The following SDK1 variants were observed in gnomAD, a reference collection of about 807,000 sequenced individuals.
SDK1 encodes the protein sidekick cell adhesion molecule 1, also known as protein sidekick-1.
A neutral mutation model predicts 245.5 loss-of-function variants in SDK1; 157 were observed. The observed-to-expected ratio is 0.64, with a 90% confidence interval of 0.56 to 0.73. The LOEUF (loss-of-function observed/expected upper bound fraction) is 0.73, where lower values mean the gene tolerates loss of function less well. SDK1 is among the 30% of genes least tolerant of loss of function. SDK1 has a pLI of 0.00. For missense variants in SDK1, 3,583 were observed against 3,002.3 expected, an observed-to-expected ratio of 1.19 and a Z score of -4.52; for synonymous variants, 1,647 against 1,278.5, an observed-to-expected ratio of 1.29 and a Z score of -6.15.
At chr7:3,950,896 T>G in intron 5 of SDK1, 27 bp from the exon 6 acceptor site, 1 of 1,581,378 alleles carries the variant, frequency 6.3e-7, no homozygotes, top group Non-Finnish European at 8.7e-7. Flanking sequence ...TAGAGTTTCA[T>G]GGACATTTCT....
intron 4 of SDK1, among the ~76,000 whole-genome samples, chr7:3,819,739 A>G (rs1191219619): frequency 6.6e-6 from 1 of 152,170 alleles, no homozygotes; most frequent in East Asian, 1.9e-4. Context: ...AGTAAGTCAT[A>G]GAGACCTCAA....
chr7:3,908,214 C>T (rs1367235572), intron 5 of SDK1, among the ~76,000 whole-genome samples: 1 of 152,164 alleles, frequency 6.6e-6, no homozygotes, highest in Admixed American at 6.5e-5. Flanking sequence ...CGGATGAGCG[C>T]CTTGTGTCCC....
intron 5 of SDK1, among the ~76,000 whole-genome samples, chr7:3,872,087 G>C (rs1355304226): frequency 6.6e-6 from 1 of 152,046 alleles, no homozygotes; most frequent in Non-Finnish European, 1.5e-5. Flanking sequence ...CTGTTAATTT[G>C]GTGAATTGCA....
intron 32 of SDK1, among the ~76,000 whole-genome samples, chr7:4,166,774 G>T (rs749157239): frequency 3.9e-5 from 6 of 152,208 alleles, no homozygotes; most frequent in African/African-American, 1.4e-4. Context: ...ACAGTGGCAC[G>T]TGGTTGAGCC....
intron 5 of SDK1, among the ~76,000 whole-genome samples, chr7:3,836,905 C>T (rs911723532): frequency 6.6e-6 from 1 of 152,144 alleles, no homozygotes; most frequent in African/African-American, 2.4e-5. Context: ...GTTGGGGCCT[C>T]CCTTCCTGGC....
At chr7:4,050,614 T>C (rs990268145) in intron 18 of SDK1, among the ~76,000 whole-genome samples, 4 of 152,196 alleles carry the variant, frequency 2.6e-5, no homozygotes, top group Admixed American at 2.0e-4. Flanking sequence ...GAACACGCTT[T>C]CCTTAGGTTG....
chr7:3,600,855 G>A (rs952527313), intron 1 of SDK1, among the ~76,000 whole-genome samples: 2 of 152,072 alleles, frequency 1.3e-5, no homozygotes, highest in African/African-American at 4.8e-5. Context: ...GCCAATGTAG[G>A]TTTTTAAAAA....
Position 4,059,965 on chromosome 7 carries a change from C to T in SDK1, c.2912-7873C>T, listed in dbSNP as rs1472828428. Among the ~76,000 whole-genome samples, 15 of 151,606 alleles carry T rather than the reference C, an allele frequency of 9.9e-5. No individual in the cohort carries two copies. In the East Asian group the frequency reaches 1.4e-3, roughly 14 times the overall value. ...CGCAGTCTCGGCTCACTGCAAGCTC[C>T]GCCTCCCAGGTTCACGCCATTGTCC... On this transcript the variant is annotated intron_variant, in intron 19 of 44. Transcript: ENST00000404826.
At position 3,840,692 on chromosome 7, in the gene SDK1, G is replaced by A. The variant is rs115065374; in HGVS notation, c.847+19109G>A. 7.0e-3 allele frequency among the ~76,000 whole-genome samples: 1,062 copies of A among 152,336 alleles called. 14 individuals carry two copies. The highest frequency in any genetic ancestry group is 0.024 in the African/African-American group (988 of 41,580). On this transcript the variant is annotated intron_variant, in intron 5 of 44. Coordinates refer to ENST00000404826, the MANE Select transcript of SDK1 (RefSeq NM_152744.4). The stretch of plus-strand genomic sequence containing the variant: ...GCGGTTCACGGACAACTCTGGTCAC[G>A]GACTACGCTGGGTAGCAGAGTTCTC...
intron 44 of SDK1, among the ~76,000 whole-genome samples, chr7:4,248,699 C>T (rs891431321): frequency 1.3e-5 from 2 of 152,008 alleles, no homozygotes; most frequent in African/African-American, 4.8e-5. Flanking sequence ...CACATACATG[C>T]ACACATGTAC....
At chr7:3,338,466 A>T (rs1780260771) in intron 1 of SDK1, 1 of 515,806 alleles carries the variant, frequency 1.9e-6, no homozygotes, top group African/African-American at 1.9e-5. Flanking sequence ...ATGATCAGAA[A>T]AAGAAGGAAG....
chr7:3,322,902 C>A (rs919774909), intron 1 of SDK1, among the ~76,000 whole-genome samples: 1 of 152,090 alleles, frequency 6.6e-6, no homozygotes, highest in East Asian at 1.9e-4. Context: ...GTCTACCTCC[C>A]AGGTTCAAAC....
intron 30 of SDK1, among the ~76,000 whole-genome samples, chr7:4,151,064 G>A (rs1418758638): frequency 6.6e-6 from 1 of 152,214 alleles, no homozygotes. Flanking sequence ...CATGGCCATG[G>A]ATGCCAGTAT....
intron 1 of SDK1, among the ~76,000 whole-genome samples, chr7:3,418,189 T>C (rs1047957569): frequency 1.4e-5 from 2 of 141,976 alleles, no homozygotes; most frequent in Non-Finnish European, 3.0e-5. Flanking sequence ...GGGTGGTGCG[T>C]GCCTGTAATC....
chr7:4,227,207 A>G, intron 40 of SDK1: 2 of 319,408 alleles, frequency 6.3e-6, no homozygotes, highest in Non-Finnish European at 1.2e-5. Flanking sequence ...AGGTTCAGCA[A>G]GAGGGGGCTG....
intron 5 of SDK1, among the ~76,000 whole-genome samples, chr7:3,850,914 G>A (rs745788639): frequency 6.6e-6 from 1 of 152,014 alleles, no homozygotes; most frequent in African/African-American, 2.4e-5. Flanking sequence ...TGTAAATGAC[G>A]ACTTAATAGG....
intron 4 of SDK1, among the ~76,000 whole-genome samples, chr7:3,710,163 C>T (rs778525770): frequency 2.6e-5 from 4 of 152,184 alleles, no homozygotes; most frequent in East Asian, 1.9e-4. Context: ...TTTTCACTGA[C>T]AGATCTGGTG....
intron 4 of SDK1, among the ~76,000 whole-genome samples, chr7:3,652,250 G>A (rs969338141): frequency 5.9e-5 from 9 of 152,170 alleles, no homozygotes; most frequent in African/African-American, 2.2e-4. Context: ...TACCATGGGG[G>A]ATCCCAGCTA....
intron 4 of SDK1, among the ~76,000 whole-genome samples, chr7:3,767,596 A>G (rs1300885926): frequency 6.6e-6 from 1 of 152,204 alleles, no homozygotes; most frequent in Admixed American, 6.5e-5. Context: ...GTGCCAGCTC[A>G]TTCCATTCTC....
Sources: allele counts gnomAD v4.1 joint callset (sites outside exome capture counted in the v4.1 genomes callset), GRCh38; gene constraint gnomAD v4.1.1; transcripts MANE v1.5; gene names NCBI Gene and HGNC (gene_info 2026-07-23, HGNC 2026-07-21).